The following ZSCAN5C variants were observed in gnomAD, a reference collection of about 807,000 sequenced individuals.
ZSCAN5C encodes the protein zinc finger and SCAN domain containing 5C.
A neutral mutation model predicts 17.3 loss-of-function variants in ZSCAN5C; 11 were observed. The ratio of observed to expected loss-of-function variants is 0.64; its 90% confidence interval spans 0.40 to 1.06. ZSCAN5C has a LOEUF of 1.06. Among genes scored for constraint, ZSCAN5C ranks in the 50% least tolerant of loss-of-function variants. ZSCAN5C has a pLI of 0.00. For synonymous variants in ZSCAN5C, 229 were observed against 208.4 expected (o/e 1.10, Z -0.85); for missense variants, 698 against 538.9 (o/e 1.30, Z -2.92).
At chr19:56,203,640 A>ATTTTTT (rs564406569) in intron 1 of ZSCAN5C, among the ~76,000 whole-genome samples, 5 of 86,812 alleles carry the variant, frequency 5.8e-5, no homozygotes, top group Admixed American at 1.6e-4. Flanking sequence ...TCTACTGGGA[A>ATTTTTT]TTTTTTTTTT....
chr19:56,207,976 A>G, intron 3 of ZSCAN5C, 58 bp from the exon 4 acceptor site: 2 of 675,164 alleles, frequency 3.0e-6, no homozygotes, highest in Non-Finnish European at 5.4e-6. Flanking sequence ...GAAAAAGCAG[A>G]CATGTCCTTC....
In ZSCAN5C at chr19:56,207,279, T is replaced by C. The variant is rs200310025; in HGVS notation, c.588+17T>C. 100 of 768,618 alleles carry C rather than the reference T, an allele frequency of 1.3e-4. 1 individual carries two copies. Among genetic ancestry groups the C allele is most frequent in the Admixed American group, 3.4e-4 (20 of 57,988 alleles). 47.6% of individuals were successfully genotyped at this position (768,618 alleles called of 1,614,324 possible). ...AGGAGGCAGGTGGGTGTGTGAGGCC[T>C]TGGTGTCTGGGCAGAGGTGGGAGAA... On this transcript the variant is annotated intron_variant, in intron 3 of 4. Coordinates refer to ENST00000534327, the Ensembl canonical transcript of ZSCAN5C.
intron 1 of ZSCAN5C, among the ~76,000 whole-genome samples, chr19:56,205,086 G>T (rs1297456385): frequency 6.6e-6 from 1 of 151,778 alleles, no homozygotes; most frequent in Non-Finnish European, 1.5e-5. Flanking sequence ...TGGGTGGGCA[G>T]GCGGTGATCA....
intron 4 of ZSCAN5C, 116 bp downstream of exon 4, chr19:56,208,300 C>T: frequency 1.5e-6 from 1 of 679,864 alleles, no homozygotes; most frequent in East Asian, 2.6e-5. Context: ...AAAGCCTCTC[C>T]ATCCCTTACT....
chr19:56,206,513 A>G (rs571727079), intron 2 of ZSCAN5C, among the ~76,000 whole-genome samples: 4 of 152,108 alleles, frequency 2.6e-5, no homozygotes, highest in East Asian at 3.9e-4. Context: ...TCCAAAGCTC[A>G]GGACAACCCA....
At position 56,207,302 on chromosome 19, in the gene ZSCAN5C, G is replaced by A. The variant is rs776161071; in HGVS notation, c.588+40G>A. On this transcript the variant is annotated intron_variant, in intron 3 of 4. Transcript: ENST00000534327. ...CCTTGGTGTCTGGGCAGAGGTGGGA[G>A]AAGGAACGGGAGGAAATCGTGTGGC... The A allele has an allele frequency of 4.1e-6, 3 of 735,698 alleles. 1 individual carries two copies. The South Asian group carries it at 4.3e-5, about 11-fold the overall frequency. The allele number at this position is 735,698 out of a possible 1,614,324, so 45.6% of individuals were successfully genotyped here.
rs958492433 is a variant in ZSCAN5C, at chr19:56,207,659, C to T, written c.589-375C>T. Among the ~76,000 whole-genome samples, 62 of 151,938 alleles carry T rather than the reference C, an allele frequency of 4.1e-4. 1 individual carries two copies. The highest frequency in any genetic ancestry group is 6.2e-4 in the South Asian group (3 of 4,814). On this transcript the variant is annotated intron_variant, in intron 3 of 4. Transcript: ENST00000534327. Reference sequence around the variant, plus strand: ...GGAGTGTTTCTCAACTGGGGTGATTCTGCCTTTCCGGACACATGGCCATGT... The same window carrying T: ...GGAGTGTTTCTCAACTGGGGTGATTTTGCCTTTCCGGACACATGGCCATGT...
At chr19:56,208,263 G>A (rs142078862) in intron 4 of ZSCAN5C, 79 bp downstream of exon 4, 33,661 of 669,872 alleles carry the variant, frequency 0.05, 2,527 homozygotes, top group East Asian at 0.26. Flanking sequence ...GCATTATCAT[G>A]TCTGGGGGAG....
chr19:56,209,151 C>T (rs755102345), exon 5 of ZSCAN5C: 44 of 1,351,756 alleles, frequency 3.3e-5, no homozygotes, highest in South Asian at 1.6e-4. Context: ...GGTCGGCCGG[C>T]GACCTTAAGA....
intron 3 of ZSCAN5C, 21 bp from the exon 4 acceptor site, chr19:56,208,013 C>G: frequency 1.4e-6 from 1 of 709,142 alleles, no homozygotes; most frequent in Non-Finnish European, 2.6e-6. Flanking sequence ...GCAGTCATTG[C>G]TGTTGGTTTT....
chr19:56,204,752 C>A (rs1238068174), intron 1 of ZSCAN5C, among the ~76,000 whole-genome samples: 1 of 151,876 alleles, frequency 6.6e-6, no homozygotes, highest in African/African-American at 2.4e-5. Flanking sequence ...CTACCAGTGA[C>A]TTTTCCCAAG....
chr19:56,209,087 C>T (rs756596728), exon 5 of ZSCAN5C: 45 of 1,594,196 alleles, frequency 2.8e-5, no homozygotes, highest in South Asian at 3.3e-5. Context: ...GGAGCACCAG[C>T]GCATCCACTC....
At chr19:56,209,107 A>T (rs779257174) in exon 5 of ZSCAN5C, 2 of 1,578,742 alleles carry the variant, frequency 1.3e-6, no homozygotes, top group African/African-American at 1.4e-5. Context: ...CTGGAGAGAA[A>T]CCCCACAAAT....
At chr19:56,206,051 C>T (rs2032917451) in exon 2 of ZSCAN5C, 3 of 1,613,220 alleles carry the variant, frequency 1.9e-6, no homozygotes, top group Non-Finnish European at 2.5e-6. Context: ...GTCACGTGAA[C>T]TTCAGGATGT....
exon 5 of ZSCAN5C, chr19:56,208,753 A>T: frequency 6.2e-7 from 1 of 1,608,486 alleles, no homozygotes; most frequent in Non-Finnish European, 8.5e-7. Context: ...CCAGTGGCCA[A>T]GAAGTCAAGG....
chr19:56,205,860 A>G, exon 2 of ZSCAN5C: 1 of 788,364 alleles, frequency 1.3e-6, no homozygotes. Context: ...GCAATTAGAC[A>G]CCGGCTTCTG....
At chr19:56,208,573 A>G (rs2032951136) in exon 5 of ZSCAN5C, 3 of 1,593,414 alleles carry the variant, frequency 1.9e-6, no homozygotes, top group Non-Finnish European at 2.6e-6. Context: ...GCGGGAGCAG[A>G]GGAGACGCTC....
intron 1 of ZSCAN5C, among the ~76,000 whole-genome samples, chr19:56,204,770 T>C (rs1035299650): frequency 1.3e-5 from 2 of 151,878 alleles, no homozygotes; most frequent in Non-Finnish European, 2.9e-5. Context: ...AAGACCCTCC[T>C]GCCAGTTTTT....
chr19:56,206,372 A>G (rs953674834), intron 2 of ZSCAN5C, 75 bp downstream of exon 2: 4 of 1,427,982 alleles, frequency 2.8e-6, no homozygotes, highest in Non-Finnish European at 3.7e-6. Flanking sequence ...TGGACTCGAG[A>G]GGACCCGAGG....
Sources: gnomAD v4.1 joint callset for allele counts (sites outside exome capture counted in the v4.1 genomes callset) on GRCh38, gnomAD v4.1.1 for gene constraint, MANE v1.5 for transcripts, NCBI Gene and HGNC (gene_info 2026-07-23, HGNC 2026-07-21) for gene names.